NCAM1: variants seen among roughly 807,000 people sequenced by gnomAD.
NCAM1 encodes neural cell adhesion molecule 1.
In NCAM1, 14 loss-of-function variants were observed where a neutral mutation model predicts 109.8. The ratio of observed to expected loss-of-function variants is 0.13; its 90% CI spans 0.08 to 0.20. NCAM1 has a LOEUF of 0.20. NCAM1 is among the 10% of genes least tolerant of loss of function. The probability of loss-of-function intolerance (pLI) is 1.00; values close to 1 mark genes in which losing one functional copy is unlikely to be tolerated. For missense variants in NCAM1, 774 were observed against 1,109.9 expected (o/e 0.70, Z 4.30); for synonymous variants, 418 against 442.9 (o/e 0.94, Z 0.70).
chr11:113,116,389 A>T (rs1044714866), intron 1 of NCAM1, among the ~76,000 whole-genome samples: 18 of 152,186 alleles, frequency 1.2e-4, no homozygotes, highest in African/African-American at 4.3e-4. Context: ...CTGAGGCTGC[A>T]GTGCTTTCTC....
chr11:113,257,669 G>A lies in NCAM1; in HGVS notation c.1953+1668G>A, dbSNP rs1477021154. 2.6e-5 allele frequency among the ~76,000 whole-genome samples: 4 copies of A among 152,184 alleles called. No individual in the cohort carries two copies. The East Asian group carries it at 5.8e-4, about 22-fold the overall frequency. The stretch of plus-strand genomic sequence containing the variant: ...TGAAATATGTTAGATTTCAACAACC[G>A]TAACCACCCTCTCTCACTTCAAAAC... On this transcript the variant is annotated intron_variant, in intron 16 of 19. Coordinates refer to ENST00000316851, the MANE Select transcript of NCAM1 (RefSeq NM_181351.5).
At chr11:113,183,247 C>G (rs910601057) in intron 1 of NCAM1, among the ~76,000 whole-genome samples, 1 of 152,140 alleles carries the variant, frequency 6.6e-6, no homozygotes, top group Non-Finnish European at 1.5e-5. Context: ...ACAGCTGGGG[C>G]ACCAGTGCCA....
Position 113,260,200 on chromosome 11 carries a change from A to G in NCAM1, c.2008A>G (p.Met670Val). 1 of 1,613,938 alleles carries G rather than the reference A, an allele frequency of 6.2e-7. No homozygotes were observed. The highest frequency in any genetic ancestry group is 8.5e-7 in the Non-Finnish European group (1 of 1,179,864). The change falls in exon 17 of 20, where the codon ATG becomes GTG. Residue 670 changes from methionine to valine, a missense_variant. By Grantham distance (21) the Met-to-Val change is conservative (BLOSUM62 1). Transcript: ENST00000316851. Reference protein sequence around the residue: ...IRLPSGSDHVMLKSLDWNAEY... With the variant: ...IRLPSGSDHVVLKSLDWNAEY... The stretch of plus-strand genomic sequence containing the variant: ...GCTCCCGTCTGGCAGTGACCACGTC[A>G]TGCTGAAGTCCCTGGACTGGAATGC...
At chr11:113,189,768 G>T (rs975998660) in intron 1 of NCAM1, among the ~76,000 whole-genome samples, 14 of 152,006 alleles carry the variant, frequency 9.2e-5, no homozygotes, top group African/African-American at 1.5e-4. Context: ...AGGACAGTTG[G>T]GTTTGGATTG....
intron 1 of NCAM1, among the ~76,000 whole-genome samples, chr11:113,193,314 C>T (rs530705106): frequency 2.6e-5 from 4 of 152,158 alleles, no homozygotes; most frequent in African/African-American, 9.7e-5. Context: ...CTTATGCTCC[C>T]TTTGAGTCAT....
intron 17 of NCAM1, chr11:113,264,340 G>A (rs2137702290): frequency 1.0e-6 from 1 of 985,392 alleles, no homozygotes; most frequent in Non-Finnish European, 1.2e-6. Flanking sequence ...AGCCACCTAT[G>A]TTGGCGCTCG....
intron 1 of NCAM1, among the ~76,000 whole-genome samples, chr11:112,992,800 C>T (rs1565369526): frequency 6.6e-6 from 1 of 152,150 alleles, no homozygotes; most frequent in Non-Finnish European, 1.5e-5. Flanking sequence ...AGCCACCGCA[C>T]CCGGCCTGAA....
chr11:112,997,668 A>G (rs1591229152), intron 1 of NCAM1, among the ~76,000 whole-genome samples: 1 of 152,126 alleles, frequency 6.6e-6, no homozygotes, highest in Non-Finnish European at 1.5e-5. Flanking sequence ...GTGTGGCTGG[A>G]AGGTAAATGA....
At chr11:113,058,600 A>G (rs1399027523) in intron 1 of NCAM1, among the ~76,000 whole-genome samples, 1 of 152,174 alleles carries the variant, frequency 6.6e-6, no homozygotes, top group Admixed American at 6.5e-5. Flanking sequence ...GAAATTTGCT[A>G]CTTTCTTCAA....
intron 1 of NCAM1, among the ~76,000 whole-genome samples, chr11:113,085,875 T>C (rs1939058731): frequency 6.6e-6 from 1 of 152,210 alleles, no homozygotes; most frequent in African/African-American, 2.4e-5. Flanking sequence ...AGTTCATATA[T>C]ATTCTATAAA....
In NCAM1 at chr11:113,041,986, A is replaced by G. The variant is rs540321372; in HGVS notation, c.52+80322A>G. ...TTAATTCGCTTTCTCTTTCTTTCTAATTTCATGGAAAAAAATAATCCATCT... is the reference window on the plus strand; with the variant it reads ...TTAATTCGCTTTCTCTTTCTTTCTAGTTTCATGGAAAAAAATAATCCATCT... On this transcript the variant is annotated intron_variant, in intron 1 of 19. Transcript: ENST00000316851. 2.8e-3 allele frequency among the ~76,000 whole-genome samples: 425 copies of G among 152,110 alleles called. 1 individual carries two copies. Among genetic ancestry groups the G allele is most frequent in the African/African-American group, 9.9e-3 (409 of 41,482 alleles).
At chr11:113,014,901 G>A (rs529129260) in intron 1 of NCAM1, among the ~76,000 whole-genome samples, 1 of 152,328 alleles carries the variant, frequency 6.6e-6, no homozygotes, top group South Asian at 2.1e-4. Flanking sequence ...GCTATCTGGG[G>A]CCCAGAGCAG....
intron 14 of NCAM1, among the ~76,000 whole-genome samples, chr11:113,238,606 C>G (rs1945240870): frequency 6.6e-6 from 1 of 152,192 alleles, no homozygotes; most frequent in African/African-American, 2.4e-5. Flanking sequence ...AGGACCTTCT[C>G]TGAATTCTTA....
chr11:113,122,126 G>A (rs1940987920), intron 1 of NCAM1, among the ~76,000 whole-genome samples: 2 of 152,150 alleles, frequency 1.3e-5, no homozygotes, highest in African/African-American at 4.8e-5. Context: ...GGTGTCATCA[G>A]CTTGCCTTCA....
At chr11:113,024,863 G>A (rs1272208860) in intron 1 of NCAM1, among the ~76,000 whole-genome samples, 2 of 152,190 alleles carry the variant, frequency 1.3e-5, no homozygotes, top group African/African-American at 2.4e-5. Flanking sequence ...AAAAATGTAA[G>A]TGAACTGCTG....
intron 1 of NCAM1, among the ~76,000 whole-genome samples, chr11:113,047,458 G>A (rs1363168905): frequency 6.6e-6 from 1 of 152,098 alleles, no homozygotes; most frequent in Non-Finnish European, 1.5e-5. Context: ...TACTTCCCAG[G>A]CCATACCGGG....
At chr11:113,159,840 A>G (rs1942540103) in intron 1 of NCAM1, among the ~76,000 whole-genome samples, 1 of 145,060 alleles carries the variant, frequency 6.9e-6, no homozygotes. Context: ...ATATCTCCTA[A>G]TGCTATCCCT....
chr11:113,208,743 T>C (rs1944312865), intron 7 of NCAM1, among the ~76,000 whole-genome samples: 1 of 152,186 alleles, frequency 6.6e-6, no homozygotes, highest in South Asian at 2.1e-4. Flanking sequence ...TTTGCATATT[T>C]GTTTTGGGGA....
chr11:113,032,038 C>T (rs782815306), intron 1 of NCAM1, among the ~76,000 whole-genome samples: 14 of 152,066 alleles, frequency 9.2e-5, no homozygotes, highest in Non-Finnish European at 1.8e-4. Context: ...ACCACCTGGG[C>T]TCAAGTGATC....
Sources: gnomAD v4.1 joint callset for allele counts (sites outside exome capture counted in the v4.1 genomes callset) on GRCh38, gnomAD v4.1.1 for gene constraint, MANE v1.5 for transcripts, NCBI Gene and HGNC (gene_info 2026-07-23, HGNC 2026-07-21) for gene names.